The following FBN1 variants were observed in gnomAD, a reference collection of about 807,000 sequenced individuals.
The protein encoded by FBN1 is fibrillin-1.
A neutral mutation model predicts 365.1 loss-of-function variants in FBN1; 29 were observed. The ratio of observed to expected loss-of-function variants is 0.08; its 90% CI spans 0.06 to 0.11. FBN1 has a LOEUF of 0.11. Among genes scored for constraint, FBN1 ranks in the 10% least tolerant of loss-of-function variants. FBN1 has a pLI of 1.00. For missense variants in FBN1, 2,476 were observed against 3,703.2 expected (o/e 0.67, Z 8.60); for synonymous variants, 1,210 against 1,270.5 (o/e 0.95, Z 1.01).
intron 63 of FBN1, among the ~76,000 whole-genome samples, chr15:48,417,467 C>T (rs2042911652): frequency 8.5e-6 from 1 of 118,274 alleles, no homozygotes; most frequent in African/African-American, 3.1e-5. Flanking sequence ...TTCCTTCCTT[C>T]CTTTCCTTCC....
chr15:48,415,473 G>A, intron 64 of FBN1, 63 bp downstream of exon 64: 3 of 1,262,134 alleles, frequency 2.4e-6, no homozygotes, highest in South Asian at 1.2e-5. Flanking sequence ...TTTGAGTTCA[G>A]TATACTTAAT....
At chr15:48,466,184 G>A (rs1216072838) in intron 38 of FBN1, among the ~76,000 whole-genome samples, 4 of 151,904 alleles carry the variant, frequency 2.6e-5, no homozygotes, top group African/African-American at 9.7e-5. Context: ...TTTATTTTCT[G>A]AAAAACTTCA....
chr15:48,605,145 T>C (rs1276829919), intron 4 of FBN1, among the ~76,000 whole-genome samples: 1 of 152,130 alleles, frequency 6.6e-6, no homozygotes, highest in Non-Finnish European at 1.5e-5. Flanking sequence ...TTTGTAAATA[T>C]AGACAAGATT....
At chr15:48,577,530 C>A (rs187072156) in intron 6 of FBN1, among the ~76,000 whole-genome samples, 1 of 152,282 alleles carries the variant, frequency 6.6e-6, no homozygotes, top group East Asian at 1.9e-4. Flanking sequence ...CTACTTAAAT[C>A]GCCCTTTTTT....
chr15:48,526,989 T>C (rs1228159180), intron 8 of FBN1, among the ~76,000 whole-genome samples: 2 of 152,138 alleles, frequency 1.3e-5, no homozygotes, highest in Non-Finnish European at 2.9e-5. Context: ...CAATAAGCAA[T>C]TGTGAAGGAG....
chr15:48,526,098 A>G (rs756641370), intron 9 of FBN1, 32 bp downstream of exon 9: 1 of 1,613,958 alleles, frequency 6.2e-7, no homozygotes, highest in Non-Finnish European at 8.5e-7. Context: ...TGACTTACAC[A>G]AACCATGCAT....
intron 8 of FBN1, among the ~76,000 whole-genome samples, chr15:48,526,609 T>G (rs983197941): frequency 1.3e-5 from 2 of 152,254 alleles, no homozygotes; most frequent in African/African-American, 4.8e-5. Flanking sequence ...TTGCATTAAG[T>G]TAAACTCTCC....
At position 48,495,236 on chromosome 15, in the gene FBN1, T is replaced by C. The variant is rs2043596063; in HGVS notation, c.2564A>G (p.Gln855Arg). Reference sequence around the variant, plus strand: ...CTCACATCGCCCATCAATGACAGTCTGCCAGCAAGTGCCCTTGATGGTTTC... The same window carrying C: ...CTCACATCGCCCATCAATGACAGTCCGCCAGCAAGTGCCCTTGATGGTTTC... Reference protein sequence around the residue: ...CIETIKGTCWQTVIDGRCEIN... With the variant: ...CIETIKGTCWRTVIDGRCEIN... Residue 855 changes from glutamine to arginine, a missense_variant, in exon 22 of 66, where the codon CAG becomes CGG. Physicochemically the swap from Gln to Arg is conservative, Grantham distance 43 (BLOSUM62 1). Transcript: ENST00000316623. 9 of 1,614,142 alleles carry C rather than the reference T, an allele frequency of 5.6e-6. No individual in the cohort carries two copies. Among genetic ancestry groups the C allele is most frequent in the Non-Finnish European group, 6.8e-6 (8 of 1,180,034 alleles).
chr15:48,595,975 A>T (rs2044512223), intron 6 of FBN1, among the ~76,000 whole-genome samples: 1 of 152,228 alleles, frequency 6.6e-6, no homozygotes. Context: ...TTACCCTTAC[A>T]GAAGAAAGTT....
At chr15:48,441,593 C>T in intron 50 of FBN1, 128 bp downstream of exon 50, 1 of 1,166,128 alleles carries the variant, frequency 8.6e-7, no homozygotes, top group Admixed American at 1.7e-5. Flanking sequence ...TATCATTAGA[C>T]CTCTGGGTGA....
Position 48,495,535 on chromosome 15 carries a change from G to A in FBN1, c.2473C>T (p.Pro825Ser), listed in dbSNP as rs1326854455. The change falls in exon 21 of 66, where the codon CCA (proline) becomes TCA (serine). Residue 825 changes from proline to serine, a missense_variant. Physicochemically the swap from Pro to Ser is moderately conservative, Grantham distance 74. Transcript: ENST00000316623. ...GAACATTCACAAATAAAAGAGCCTGGGCTGTTCTTGCAGACTCCATTAATG... is the reference window on the plus strand; with the variant it reads ...GAACATTCACAAATAAAAGAGCCTGAGCTGTTCTTGCAGACTCCATTAATG... The part of the protein sequence containing the change: ...PCINGVCKNS[P>S]GSFICECSSE... 1.2e-6 allele frequency: 2 copies of A among 1,613,842 alleles called. No individual in the cohort carries two copies. The highest frequency in any genetic ancestry group is 1.7e-6 in the Non-Finnish European group (2 of 1,179,976).
chr15:48,591,161 A>C (rs1242193161), intron 6 of FBN1, among the ~76,000 whole-genome samples: 3 of 152,208 alleles, frequency 2.0e-5, no homozygotes, highest in African/African-American at 7.2e-5. Flanking sequence ...CACATGAGAA[A>C]ATTATTTTTA....
At chr15:48,499,292 A>G (rs1345639441) in intron 17 of FBN1, among the ~76,000 whole-genome samples, 2 of 152,226 alleles carry the variant, frequency 1.3e-5, no homozygotes, top group Non-Finnish European at 2.9e-5. Flanking sequence ...CTTTCGGAAA[A>G]GGTGTTTTTC....
chr15:48,485,403 G>A lies in FBN1; in HGVS notation c.3683C>T (p.Ala1228Val). ...SYECSCQPGF[A>V]LMPDQRSCTD... ...GCATGATCTCTGGTCAGGCATTAGT[G>A]CAAATCCCGGCTGACAGCTACATTC... Residue 1228 changes from alanine (A) to valine (V), a missense_variant, in exon 30 of 66, where the codon GCA (alanine) becomes GTA (valine). Around this residue, in one of 5 missense-constraint regions of FBN1, gnomAD observed 1,780 missense variants for 2,840.8 expected, o/e 0.63. Coordinates refer to ENST00000316623, the MANE Select transcript of FBN1 (RefSeq NM_000138.5). 1 of 1,614,162 alleles carries A rather than the reference G, an allele frequency of 6.2e-7. No individual in the cohort carries two copies. Among genetic ancestry groups the A allele is most frequent in the Non-Finnish European group, 8.5e-7 (1 of 1,180,010 alleles).
At chr15:48,500,013 G>A (rs2043641372) in intron 17 of FBN1, among the ~76,000 whole-genome samples, 1 of 152,142 alleles carries the variant, frequency 6.6e-6, no homozygotes, top group South Asian at 2.1e-4. Context: ...AGGTAAATGA[G>A]TTATACAACC....
intron 15 of FBN1, among the ~76,000 whole-genome samples, chr15:48,507,889 G>T (rs1410469169): frequency 6.6e-6 from 1 of 152,026 alleles, no homozygotes; most frequent in Non-Finnish European, 1.5e-5. Flanking sequence ...GAGACACTAA[G>T]CACAAATTTG....
chr15:48,548,174 G>T (rs1397212163), intron 6 of FBN1, among the ~76,000 whole-genome samples: 3 of 152,100 alleles, frequency 2.0e-5, no homozygotes, highest in Non-Finnish European at 4.4e-5. Flanking sequence ...TTTTATGGTC[G>T]TCCATTTTTC....
intron 6 of FBN1, among the ~76,000 whole-genome samples, chr15:48,587,332 C>T (rs557948373): frequency 6.6e-6 from 1 of 152,260 alleles, no homozygotes; most frequent in East Asian, 1.9e-4. Flanking sequence ...CAGAAATAGA[C>T]CAGTCTTCCC....
At chr15:48,630,731 C>A (rs367903967) in intron 2 of FBN1, among the ~76,000 whole-genome samples, 471 of 110,974 alleles carry the variant, frequency 4.2e-3, no homozygotes, top group South Asian at 5.9e-3. Flanking sequence ...GACTCCATCT[C>A]AAAAAAAAAA....
Sources: allele counts gnomAD v4.1 joint callset (sites outside exome capture counted in the v4.1 genomes callset), GRCh38; gene constraint gnomAD v4.1.1; regional missense constraint gnomAD v4.1.1; transcripts MANE v1.5; gene names NCBI Gene and HGNC (gene_info 2026-07-23, HGNC 2026-07-21).